Variants in PTPRG observed in about 807,000 individuals in gnomAD.
The protein encoded by PTPRG is protein tyrosine phosphatase receptor type G, also known as receptor-type tyrosine-protein phosphatase gamma.
A neutral mutation model predicts 165.3 loss-of-function variants in PTPRG; 102 were observed. The ratio of observed to expected loss-of-function variants is 0.62; its 90% confidence interval spans 0.53 to 0.73. PTPRG has a LOEUF of 0.73. Ranked by LOEUF, PTPRG falls within the 30% of genes least tolerant of loss-of-function variation. The pLI is 0.00. For missense variants in PTPRG, 1,866 were observed against 1,861.4 expected (o/e 1.00, Z -0.05); for synonymous variants, 675 against 669.5 (o/e 1.01, Z -0.13).
rs1576207550 is a variant in PTPRG at position 62,273,612 on chromosome 3, A to G, written c.3319-86A>G. 1 of 1,359,118 alleles carries G rather than the reference A, an allele frequency of 7.4e-7. No individual in the cohort carries two copies. Among genetic ancestry groups the G allele is most frequent in the East Asian group, 2.3e-5 (1 of 43,274 alleles). The allele number at this position is 1,359,118 out of a possible 1,614,324, so 84.2% of individuals were successfully genotyped here. On this transcript the variant is annotated intron_variant, in intron 22 of 29. Transcript: ENST00000474889. The surrounding 1 kb of genome is among the most constrained non-coding windows in gnomAD (Gnocchi z 4.1). Reference sequence around the variant, plus strand: ...AAATCACTGGGAGGTCCCTGTTAGCAGCAGAATTAAACTAAGGTACACTTC... The same window carrying G: ...AAATCACTGGGAGGTCCCTGTTAGCGGCAGAATTAAACTAAGGTACACTTC...
chr3:61,758,252 G>T (rs1008172730), intron 2 of PTPRG, among the ~76,000 whole-genome samples: 1 of 152,076 alleles, frequency 6.6e-6, no homozygotes, highest in African/African-American at 2.4e-5. Context: ...CTCTCAAAGT[G>T]CTGGGATTAC....
chr3:61,681,598 G>A (rs1703442625), intron 1 of PTPRG, among the ~76,000 whole-genome samples: 1 of 152,072 alleles, frequency 6.6e-6, no homozygotes, highest in South Asian at 2.1e-4. Flanking sequence ...CATTCTCTGG[G>A]GTAGTTTTTA....
chr3:61,841,769 C>T (rs969775702), intron 2 of PTPRG, among the ~76,000 whole-genome samples: 4 of 151,986 alleles, frequency 2.6e-5, no homozygotes, highest in African/African-American at 7.2e-5. Context: ...AAATACAGGA[C>T]GATAAAGGAA....
At chr3:62,043,697 T>G (rs1700196715) in intron 4 of PTPRG, among the ~76,000 whole-genome samples, 2 of 152,218 alleles carry the variant, frequency 1.3e-5, no homozygotes, top group Admixed American at 6.5e-5. Flanking sequence ...ATTTAAGGTT[T>G]GTTTGTTTGT....
chr3:62,061,100 A>G (rs75330473), intron 4 of PTPRG, among the ~76,000 whole-genome samples: 1 of 152,190 alleles, frequency 6.6e-6, no homozygotes, highest in Admixed American at 6.5e-5. Context: ...TCAAATCCCA[A>G]CTAAGGTAGC....
intron 1 of PTPRG, among the ~76,000 whole-genome samples, chr3:61,692,920 T>C (rs976990999): frequency 2.6e-5 from 4 of 152,228 alleles, no homozygotes; most frequent in African/African-American, 9.6e-5. Context: ...TGGCTACTTC[T>C]GTACATGCAC....
intron 1 of PTPRG, among the ~76,000 whole-genome samples, chr3:61,621,047 A>G (rs77984278): frequency 0.024 from 2,352 of 97,152 alleles, 75 homozygotes; most frequent in African/African-American, 0.072. Flanking sequence ...ATATATATAT[A>G]TATATGTGTG....
chr3:62,027,084 C>G (rs1276355704), intron 4 of PTPRG, among the ~76,000 whole-genome samples: 1 of 151,988 alleles, frequency 6.6e-6, no homozygotes, highest in Admixed American at 6.6e-5. Flanking sequence ...TTTAAATTCT[C>G]TCCCCGTGCC....
chr3:61,650,403 G>C (rs1702318617), intron 1 of PTPRG, among the ~76,000 whole-genome samples: 1 of 152,150 alleles, frequency 6.6e-6, no homozygotes, highest in Non-Finnish European at 1.5e-5. Context: ...ACAGTGACGA[G>C]TTCCGCACAA....
chr3:61,820,251 C>T (rs1368180708), intron 2 of PTPRG, among the ~76,000 whole-genome samples: 1 of 152,156 alleles, frequency 6.6e-6, no homozygotes, highest in Non-Finnish European at 1.5e-5. Context: ...TGTAAATTCC[C>T]ATCTCTCTTG....
chr3:61,752,789 A>AAAAAAAAAAAAG (rs2033485454), intron 2 of PTPRG, among the ~76,000 whole-genome samples: 1 of 103,202 alleles, frequency 9.7e-6, no homozygotes, highest in Non-Finnish European at 2.1e-5. Context: ...CTGTCTCAAA[A>AAAAAAAAAAAAG]AAAAAAAAAA....
chr3:62,113,477 G>T (rs904525597), intron 5 of PTPRG, among the ~76,000 whole-genome samples: 1 of 152,082 alleles, frequency 6.6e-6, no homozygotes, highest in Non-Finnish European at 1.5e-5. Flanking sequence ...TATATACACA[G>T]ATCCAAATCG....
Position 61,721,584 on chromosome 3 carries a change from A to G in PTPRG, c.86-27294A>G, listed in dbSNP as rs118015669. ...ACAATAATTTAACAAGAAGAACATTATATTTTTGGATTAGCTTTGTGTCCT... is the reference window on the plus strand; with the variant it reads ...ACAATAATTTAACAAGAAGAACATTGTATTTTTGGATTAGCTTTGTGTCCT... On this transcript the variant is annotated intron_variant, in intron 1 of 29. Transcript: ENST00000474889. Among the ~76,000 whole-genome samples the G allele has an allele frequency of 2.6e-5, 4 of 152,294 alleles. No homozygotes were observed. The East Asian group carries it at 5.8e-4, about 22-fold the overall frequency.
rs938338546 is a variant in PTPRG at position 62,240,197 on chromosome 3, C to T, written c.2376-3610C>T. On this transcript the variant is annotated intron_variant, in intron 14 of 29. Coordinates refer to ENST00000474889, the MANE Select transcript of PTPRG (RefSeq NM_002841.4). The surrounding 1 kb of genome is among the most constrained non-coding windows in gnomAD (Gnocchi z 5.1). ...TCATTTCGTTTTTTAAAAATAAAACCCCCATGTAGTCCCAGCTACTTAGGA... is the reference window on the plus strand; with the variant it reads ...TCATTTCGTTTTTTAAAAATAAAACTCCCATGTAGTCCCAGCTACTTAGGA... 6.6e-6 allele frequency among the ~76,000 whole-genome samples: 1 copy of T among 151,846 alleles called. No individual in the cohort carries two copies. The highest frequency in any genetic ancestry group is 1.5e-5 in the Non-Finnish European group (1 of 67,990).
At chr3:61,784,276 T>C (rs527266098) in intron 2 of PTPRG, among the ~76,000 whole-genome samples, 4 of 152,046 alleles carry the variant, frequency 2.6e-5, no homozygotes, top group Non-Finnish European at 5.9e-5. Context: ...GGCAGTGGGG[T>C]TGGGGGACGG....
At chr3:61,613,831 A>T (rs1179782889) in intron 1 of PTPRG, among the ~76,000 whole-genome samples, 1 of 152,214 alleles carries the variant, frequency 6.6e-6, no homozygotes, top group South Asian at 2.1e-4. Context: ...ACACAAAACC[A>T]TGAGCAATAT....
At position 62,229,141 on chromosome 3, in the gene PTPRG, C is replaced by A. The variant is rs559105410; in HGVS notation, c.2289-2084C>A. Among the ~76,000 whole-genome samples, 1 of 152,038 alleles carries A rather than the reference C, an allele frequency of 6.6e-6. No homozygotes were observed. Among genetic ancestry groups the A allele is most frequent in the African/African-American group, 2.4e-5 (1 of 41,400 alleles). ...TGCCTCAGAGGGTTTGAGTTTATGACGACACCCTGGTGTTAAACTATCTTG... is the reference window on the plus strand; with the variant it reads ...TGCCTCAGAGGGTTTGAGTTTATGAAGACACCCTGGTGTTAAACTATCTTG... On this transcript the variant is annotated intron_variant, in intron 13 of 29. Transcript: ENST00000474889. This position sits in a 1 kb window ranked among gnomAD's most constrained non-coding sequence, Gnocchi z 4.6.
intron 2 of PTPRG, among the ~76,000 whole-genome samples, chr3:61,839,977 T>A (rs2036577692): frequency 6.6e-6 from 1 of 152,222 alleles, no homozygotes; most frequent in Admixed American, 6.5e-5. Flanking sequence ...AAAAAGCTGC[T>A]ATTAAAATGA....
intron 1 of PTPRG, among the ~76,000 whole-genome samples, chr3:61,684,747 T>C (rs1016112861): frequency 6.6e-6 from 1 of 152,202 alleles, no homozygotes; most frequent in Non-Finnish European, 1.5e-5. Context: ...TGTGGATTAA[T>C]GTAGATTAAA....
Sources: gnomAD v4.1 joint callset for allele counts (sites outside exome capture counted in the v4.1 genomes callset) on GRCh38, gnomAD v4.1.1 for gene constraint, Gnocchi (gnomAD v3.1) non-coding constraint, MANE v1.5 for transcripts, NCBI Gene and HGNC (gene_info 2026-07-23, HGNC 2026-07-21) for gene names.